The following GAS7 variants were observed in gnomAD, a reference collection of about 807,000 sequenced individuals.
GAS7 encodes growth arrest-specific protein 7.
Under a neutral mutation model 71.1 loss-of-function variants are expected in GAS7, and 28 were observed. The ratio of observed to expected loss-of-function variants is 0.39; its 90% CI spans 0.29 to 0.54. The LOEUF (loss-of-function observed/expected upper bound fraction) is 0.54, where lower values mean the gene tolerates loss of function less well. Ranked by LOEUF, GAS7 falls within the 20% of genes least tolerant of loss-of-function variation. GAS7 has a pLI of 0.62. For missense variants in GAS7, 436 were observed against 627.8 expected (o/e 0.69, Z 3.27); for synonymous variants, 258 against 245.8 (o/e 1.05, Z -0.46).
intron 2 of GAS7, among the ~76,000 whole-genome samples, chr17:10,006,628 C>T (rs772662104): frequency 3.9e-5 from 6 of 152,026 alleles, no homozygotes; most frequent in South Asian, 2.1e-4. Flanking sequence ...CGTGCCCGGC[C>T]GCCCCAAATT....
intron 1 of GAS7, among the ~76,000 whole-genome samples, chr17:10,053,257 A>G (rs1229151123): frequency 6.6e-6 from 1 of 152,204 alleles, no homozygotes. Flanking sequence ...CGGCTTCGCG[A>G]GCCTGGGGCC....
rs1597424542 is a variant in GAS7 at position 9,912,504 on chromosome 17, T to C, written c.*4724A>G. The C allele has an allele frequency of 4.7e-5, 11 of 232,556 alleles. No individual in the cohort carries two copies. In the East Asian group the frequency reaches 6.7e-4, roughly 14 times the overall value. The allele number at this position is 232,556 out of a possible 1,614,324, so 14.4% of individuals were successfully genotyped here. A position where few individuals can be genotyped will look rare whatever the true frequency, so the allele number is the denominator to read the frequency against. ...TTCAAAGCCTCCAACGCCCAATACA[T>C]AGCCAAGGACCGTGTGACACTGAAG... On this transcript the variant is annotated 3_prime_UTR_variant, in exon 14 of 14. Coordinates refer to ENST00000432992, the MANE Select transcript of GAS7 (RefSeq NM_201433.2).
chr17:9,965,909 C>T (rs1183511786), intron 4 of GAS7, among the ~76,000 whole-genome samples: 2 of 152,116 alleles, frequency 1.3e-5, no homozygotes, highest in Admixed American at 6.5e-5. Context: ...ACTATCAGTC[C>T]TCCCCATGAC....
chr17:9,938,075 T>C (rs1114397), intron 8 of GAS7, among the ~76,000 whole-genome samples: 79 of 152,352 alleles, frequency 5.2e-4, no homozygotes, highest in Non-Finnish European at 9.7e-4. Flanking sequence ...TAAAGGTTTA[T>C]GTCCTGCCAA....
At chr17:9,966,022 G>A (rs528243132) in intron 4 of GAS7, among the ~76,000 whole-genome samples, 2,181 of 124,638 alleles carry the variant, frequency 0.017, 76 homozygotes, top group African/African-American at 0.064. Flanking sequence ...TTTTGGAGAT[G>A]GAGTCTCGCT....
intron 2 of GAS7, among the ~76,000 whole-genome samples, chr17:10,013,405 C>T (rs571329467): frequency 6.6e-6 from 1 of 152,312 alleles, no homozygotes; most frequent in Non-Finnish European, 1.5e-5. Flanking sequence ...CTCACTATCC[C>T]AAACCGTTAG....
Position 9,959,368 on chromosome 17 carries a change from T to G in GAS7, c.472-113A>C. On this transcript the variant is annotated intron_variant, in intron 4 of 13. Transcript: ENST00000432992. The surrounding 1 kb of genome is among the most constrained non-coding windows in gnomAD (Gnocchi z 5.0). ...GCTGGGGAATCAGGGATGCTCAGTC[T>G]GAATCCTAAGTCACCATATTCTGGG... is the stretch of plus-strand genomic sequence containing the variant. 2 of 1,554,010 alleles carry G rather than the reference T, an allele frequency of 1.3e-6. No homozygotes were observed. The highest frequency in any genetic ancestry group is 1.7e-6 in the Non-Finnish European group (2 of 1,147,400).
chr17:10,185,865 G>A (rs2074448193), intron 1 of GAS7, among the ~76,000 whole-genome samples: 2 of 152,100 alleles, frequency 1.3e-5, no homozygotes, highest in South Asian at 4.1e-4. Context: ...TGTGAGTGTG[G>A]AGAAACAGGA....
At chr17:9,970,880 A>T (rs1050138518) in intron 3 of GAS7, among the ~76,000 whole-genome samples, 3 of 152,114 alleles carry the variant, frequency 2.0e-5, no homozygotes, top group Non-Finnish European at 2.9e-5. Flanking sequence ...ACGAATTCAC[A>T]CTGGGACCCA....
intron 1 of GAS7, among the ~76,000 whole-genome samples, chr17:10,082,071 T>TG (rs1200557287): frequency 1.3e-5 from 2 of 152,122 alleles, no homozygotes; most frequent in Non-Finnish European, 2.9e-5. Flanking sequence ...TAGCTCTACA[T>TG]GCACCAACAC....
chr17:10,193,540 A>T (rs1182170381), intron 1 of GAS7, among the ~76,000 whole-genome samples: 1 of 152,194 alleles, frequency 6.6e-6, no homozygotes, highest in African/African-American at 2.4e-5. Flanking sequence ...TCCCAATAGA[A>T]TGTGGCAGAA....
At chr17:9,925,403 C>T (rs2067962768) in intron 11 of GAS7, 73 bp downstream of exon 11, 1 of 1,502,054 alleles carries the variant, frequency 6.7e-7, no homozygotes, top group Non-Finnish European at 9.2e-7. Context: ...CCTCGCCAGT[C>T]ACCTCATCTC....
At chr17:9,966,728 C>T (rs919726548) in intron 4 of GAS7, among the ~76,000 whole-genome samples, 8 of 152,060 alleles carry the variant, frequency 5.3e-5, no homozygotes, top group Non-Finnish European at 8.8e-5. Flanking sequence ...GCGTGGTGGC[C>T]GGCGCCTGCA....
At chr17:10,123,277 G>C (rs2073919225) in intron 1 of GAS7, among the ~76,000 whole-genome samples, 1 of 152,216 alleles carries the variant, frequency 6.6e-6, no homozygotes, top group South Asian at 2.1e-4. Context: ...GGGCTCCACT[G>C]CCGGGTTCTG....
chr17:9,979,635 CA>C (rs2070335494), intron 3 of GAS7, among the ~76,000 whole-genome samples: 1 of 152,128 alleles, frequency 6.6e-6, no homozygotes. Flanking sequence ...CCCCATGACT[CA>C]AAGGGCAAGT....
chr17:10,121,687 G>A (rs768207102), intron 1 of GAS7, among the ~76,000 whole-genome samples: 1 of 152,136 alleles, frequency 6.6e-6, no homozygotes, highest in African/African-American at 2.4e-5. Context: ...CTCCACCCAC[G>A]AAACGATTTG....
intron 2 of GAS7, among the ~76,000 whole-genome samples, chr17:9,986,576 C>T (rs1390083258): frequency 2.0e-5 from 3 of 152,204 alleles, no homozygotes; most frequent in Non-Finnish European, 4.4e-5. Context: ...CAGCCAGCAG[C>T]TCCGGGGGCT....
intron 2 of GAS7, among the ~76,000 whole-genome samples, chr17:10,012,855 C>T (rs1224168313): frequency 2.0e-5 from 3 of 152,060 alleles, no homozygotes; most frequent in Admixed American, 6.5e-5. Context: ...GTAATCCCAG[C>T]ACCTTGGGAG....
chr17:9,974,369 G>C lies in GAS7; in HGVS notation c.386-4607C>G, dbSNP rs1418525827. Among the ~76,000 whole-genome samples the C allele has an allele frequency of 6.6e-6, 1 of 152,032 alleles. No homozygotes were observed. The highest frequency in any genetic ancestry group is 1.9e-4 in the East Asian group (1 of 5,176). ...TTCCTCATTGCTATTCCCTGTCCTG[G>C]GGGCTCCCGGCTCACCCAGGGTCAG... is the stretch of plus-strand genomic sequence containing the variant. On this transcript the variant is annotated intron_variant, in intron 3 of 13. Transcript: ENST00000432992. This position sits in a 1 kb window ranked among gnomAD's most constrained non-coding sequence, Gnocchi z 4.0.
Sources: allele counts gnomAD v4.1 joint callset (sites outside exome capture counted in the v4.1 genomes callset), GRCh38; gene constraint gnomAD v4.1.1; non-coding constraint Gnocchi (gnomAD v3.1); transcripts MANE v1.5; gene names NCBI Gene and HGNC (gene_info 2026-07-23, HGNC 2026-07-21).